The following HIPK2 variants were observed in gnomAD, a reference collection of about 807,000 sequenced individuals.
HIPK2 encodes the protein homeodomain-interacting protein kinase 2.
In HIPK2, 27 loss-of-function variants were observed where a neutral mutation model predicts 113.7. The observed-to-expected ratio is 0.24, with a 90% CI of 0.17 to 0.33. The LOEUF (loss-of-function observed/expected upper bound fraction) is 0.33. Among genes scored for constraint, HIPK2 ranks in the 10% least tolerant of loss-of-function variants. The pLI, the probability that HIPK2 is intolerant of heterozygous loss-of-function variation, is 1.00. For missense variants in HIPK2, 1,257 were observed against 1,588.0 expected, an observed-to-expected ratio of 0.79 and a Z score of 3.54; for synonymous variants, 631 against 642.2, an observed-to-expected ratio of 0.98 and a Z score of 0.26.
At chr7:139,629,182 T>C in intron 4 of HIPK2, 143 bp from the exon 5 acceptor site, 1 of 652,574 alleles carries the variant, frequency 1.5e-6, no homozygotes, top group East Asian at 2.8e-5. Context: ...CCTGCACACC[T>C]GCAATTCCCT....
At chr7:139,610,185 C>A (rs2030712) in intron 9 of HIPK2, among the ~76,000 whole-genome samples, 2 of 151,968 alleles carry the variant, frequency 1.3e-5, no homozygotes, top group Non-Finnish European at 2.9e-5. Context: ...AACTGAACAA[C>A]GAAGAATCCC....
intron 2 of HIPK2, among the ~76,000 whole-genome samples, chr7:139,646,377 G>A (rs1585321325): frequency 1.3e-5 from 2 of 151,898 alleles, no homozygotes; most frequent in East Asian, 3.9e-4. Flanking sequence ...GTACACACCT[G>A]TAGTCCCAGC....
chr7:139,651,775 T>C (rs1377632975), intron 2 of HIPK2, among the ~76,000 whole-genome samples: 2 of 152,220 alleles, frequency 1.3e-5, no homozygotes, highest in East Asian at 1.9e-4. Context: ...TTCTTAGAAC[T>C]TACAAGGAAT....
In HIPK2 at chr7:139,716,327, A is replaced by G. The variant is rs1265725949; in HGVS notation, c.708T>C (p.Tyr236=). 1.9e-6 allele frequency: 3 copies of G among 1,614,178 alleles called. No individual in the cohort carries two copies. The highest frequency in any genetic ancestry group is 1.1e-5 in the South Asian group (1 of 91,082). ...TCACTTCAATCTGACCTTGTCGGGC[A>G]TAGGATGGGTGGTTCTTCAGGATCT... is the stretch of plus-strand genomic sequence containing the variant. ...AIKILKNHPS[Y]ARQGQIEVSI... Residue 236 remains tyrosine (Y), a synonymous_variant, in exon 2 of 15, where the codon TAT becomes TAC. Transcript: ENST00000406875. This position sits in a 1 kb window ranked among gnomAD's most constrained non-coding sequence, Gnocchi z 9.3.
chr7:139,638,938 G>A (rs539967136), intron 2 of HIPK2, among the ~76,000 whole-genome samples: 1 of 152,280 alleles, frequency 6.6e-6, no homozygotes, highest in South Asian at 2.1e-4. Flanking sequence ...TTACAGGCGT[G>A]AGCCACCACG....
rs1800559500 is a variant in HIPK2 at position 139,630,211 on chromosome 7, G to A, written c.1347+954C>T. 6.6e-6 allele frequency among the ~76,000 whole-genome samples: 1 copy of A among 152,118 alleles called. No individual in the cohort carries two copies. The highest frequency in any genetic ancestry group is 1.5e-5 in the Non-Finnish European group (1 of 68,014). On this transcript the variant is annotated intron_variant, in intron 4 of 14. Transcript: ENST00000406875. This position sits in a 1 kb window ranked among gnomAD's most constrained non-coding sequence, Gnocchi z 4.0. The stretch of plus-strand genomic sequence containing the variant: ...CAAAGTGAAAGCAAACTATGTTTCT[G>A]TTAAAGTGAAGCCCCTGCCCCCGGA...
intron 2 of HIPK2, among the ~76,000 whole-genome samples, chr7:139,689,749 T>G (rs1417826378): frequency 6.6e-6 from 1 of 152,182 alleles, no homozygotes; most frequent in African/African-American, 2.4e-5. Flanking sequence ...TCCCAAGCTA[T>G]GGCTTGCGCT....
At chr7:139,764,495 T>C (rs1796521145) in intron 1 of HIPK2, among the ~76,000 whole-genome samples, 1 of 152,192 alleles carries the variant, frequency 6.6e-6, no homozygotes, top group South Asian at 2.1e-4. Context: ...AACTACTGGG[T>C]GACAGAAGGT....
rs759087572 is a variant in HIPK2 at position 139,596,987 on chromosome 7, G to T, written c.2447C>A (p.Thr816Asn). 2 of 1,592,292 alleles carry T rather than the reference G, an allele frequency of 1.3e-6. No individual in the cohort carries two copies. The highest frequency in any genetic ancestry group is 3.4e-5 in the Admixed American group (2 of 59,680). ...GGCCTGAGAGGAGGACACCTCACAG[G>T]TGGAGACATTTCTGTAATGAGAAAA... ...QHQSSVRNVS[T>N]CEVSSSQAIS... The change falls in exon 12 of 15, where the codon ACC (threonine) becomes AAC (asparagine). Residue 816 changes from threonine (T) to asparagine (N), a missense_variant. Coordinates refer to ENST00000406875, the MANE Select transcript of HIPK2 (RefSeq NM_022740.5).
rs548502520 is a variant in HIPK2 at position 139,564,469 on chromosome 7, A to C, written c.*8458T>G. 5.2e-5 allele frequency: 8 copies of C among 152,412 alleles called. No homozygotes were observed. Among genetic ancestry groups the C allele is most frequent in the African/African-American group, 1.9e-4 (8 of 41,592 alleles). The allele number at this position is 152,412 out of a possible 1,614,324, so 9.4% of individuals were successfully genotyped here. A position where few individuals can be genotyped will look rare whatever the true frequency, so the allele number is the denominator to read the frequency against. On this transcript the variant is annotated 3_prime_UTR_variant, in exon 15 of 15. Coordinates refer to ENST00000406875, the MANE Select transcript of HIPK2 (RefSeq NM_022740.5). ...TTCTCAATGACTCTTCCAAGATGTC[A>C]GAGAGAAGGCCTTGAAGACAAGTGT...
intron 1 of HIPK2, among the ~76,000 whole-genome samples, chr7:139,739,423 C>T (rs1160334677): frequency 6.6e-6 from 1 of 151,994 alleles, no homozygotes; most frequent in Non-Finnish European, 1.5e-5. Flanking sequence ...CTCATCTCTA[C>T]TAAAAATACA....
intron 1 of HIPK2, among the ~76,000 whole-genome samples, chr7:139,760,767 T>C (rs925083932): frequency 1.3e-5 from 2 of 152,190 alleles, no homozygotes; most frequent in African/African-American, 4.8e-5. Flanking sequence ...TCCAGCTTTG[T>C]CCACTGAAGT....
chr7:139,621,768 T>G (rs1346339586), intron 6 of HIPK2, among the ~76,000 whole-genome samples: 1 of 151,650 alleles, frequency 6.6e-6, no homozygotes, highest in East Asian at 1.9e-4. Flanking sequence ...AAAAAAAATA[T>G]AAAAATTAGC....
In HIPK2 at chr7:139,773,847, G is replaced by T. The variant is rs374238140; in HGVS notation, c.19+3758C>A. On this transcript the variant is annotated intron_variant, in intron 1 of 14. Transcript: ENST00000406875. The stretch of plus-strand genomic sequence containing the variant: ...GCTGCCTTGTTTAGGAATGGATCTT[G>T]GTTAACGGCAAAGGTTATCTTTCAT... Among the ~76,000 whole-genome samples, 8 of 152,312 alleles carry T rather than the reference G, an allele frequency of 5.3e-5. No individual in the cohort carries two copies. In the South Asian group the frequency reaches 8.3e-4, roughly 16 times the overall value.
chr7:139,661,360 C>A (rs1192070109), intron 2 of HIPK2, among the ~76,000 whole-genome samples: 1 of 152,166 alleles, frequency 6.6e-6, no homozygotes, highest in Non-Finnish European at 1.5e-5. Flanking sequence ...CTAACATCTG[C>A]CTAGCTTAGA....
intron 2 of HIPK2, among the ~76,000 whole-genome samples, chr7:139,637,631 A>G (rs1428242697): frequency 6.6e-6 from 1 of 152,124 alleles, no homozygotes; most frequent in East Asian, 1.9e-4. Context: ...CACTTTCTTA[A>G]CCTGCTCACT....
At chr7:139,729,823 G>A (rs146565140) in intron 1 of HIPK2, among the ~76,000 whole-genome samples, 272 of 152,290 alleles carry the variant, frequency 1.8e-3, no homozygotes, top group Non-Finnish European at 3.0e-3. Flanking sequence ...AATAAGGACG[G>A]TTAAAGTTTC....
At chr7:139,689,193 TG>T (rs1231744990) in intron 2 of HIPK2, among the ~76,000 whole-genome samples, 1 of 152,064 alleles carries the variant, frequency 6.6e-6, no homozygotes, top group Non-Finnish European at 1.5e-5. Flanking sequence ...GCTGGGGAAA[TG>T]AACTGCTGGT....
At chr7:139,664,950 G>C (rs1400234546) in intron 2 of HIPK2, among the ~76,000 whole-genome samples, 3 of 152,008 alleles carry the variant, frequency 2.0e-5, no homozygotes, top group African/African-American at 7.3e-5. Context: ...CCTTAATACA[G>C]AGTGTCTCTA....
Sources: gnomAD v4.1 joint callset for allele counts (sites outside exome capture counted in the v4.1 genomes callset) on GRCh38, gnomAD v4.1.1 for gene constraint, Gnocchi (gnomAD v3.1) non-coding constraint, MANE v1.5 for transcripts, NCBI Gene and HGNC (gene_info 2026-07-23, HGNC 2026-07-21) for gene names.